Variants in DNAAF11 observed in about 807,000 individuals in gnomAD.
DNAAF11 encodes the protein dynein axonemal assembly factor 11.
In DNAAF11, 45 loss-of-function variants were observed where a neutral mutation model predicts 60.8. That is an observed-to-expected ratio of 0.74 (90% CI 0.58 to 0.95). The LOEUF is 0.95. DNAAF11 is among the 40% of genes least tolerant of loss of function. The probability of loss-of-function intolerance (pLI) is 0.00; values close to 1 mark genes in which losing one functional copy is unlikely to be tolerated. For missense variants in DNAAF11, 546 were observed against 546.2 expected (o/e 1.00, Z 0.00); for synonymous variants, 191 against 183.5 (o/e 1.04, Z -0.33).
At chr8:132,658,821 C>T (rs967935895) in intron 2 of DNAAF11, among the ~76,000 whole-genome samples, 1 of 152,044 alleles carries the variant, frequency 6.6e-6, no homozygotes, top group Non-Finnish European at 1.5e-5. Flanking sequence ...TGCTCAGGGA[C>T]GGTTTCCTAA....
At chr8:132,614,307 G>A (rs1049300709) in intron 8 of DNAAF11, among the ~76,000 whole-genome samples, 2 of 152,178 alleles carry the variant, frequency 1.3e-5, no homozygotes, top group African/African-American at 4.8e-5. Context: ...GGAAGCACAG[G>A]CAAGCAGCCT....
the DNAAF11 span, among the ~76,000 whole-genome samples, chr8:132,690,306 G>A: frequency 0.28 from 42,703 of 151,810 alleles, 6,281 homozygotes; most frequent in East Asian, 0.39. Context: ...TGCTGTTCTC[G>A]TGATACTGAG....
At chr8:132,599,300 A>C (rs1463125933) in intron 10 of DNAAF11, among the ~76,000 whole-genome samples, 5 of 152,178 alleles carry the variant, frequency 3.3e-5, no homozygotes, top group Non-Finnish European at 7.3e-5. Flanking sequence ...CCAACCAAAA[A>C]AAGTCCAGGA....
chr8:132,643,925 C>T (rs985939714), intron 3 of DNAAF11, among the ~76,000 whole-genome samples: 4 of 152,026 alleles, frequency 2.6e-5, no homozygotes, highest in African/African-American at 9.7e-5. Flanking sequence ...AATTGTGTAA[C>T]AGATAAATAT....
At chr8:132,600,171 A>G (rs564141622) in intron 10 of DNAAF11, among the ~76,000 whole-genome samples, 26 of 152,326 alleles carry the variant, frequency 1.7e-4, no homozygotes, top group African/African-American at 6.0e-4. Flanking sequence ...TCCCATTCAC[A>G]ATTGCTTCAA....
At chr8:132,608,094 T>C (rs1295769655) in intron 10 of DNAAF11, among the ~76,000 whole-genome samples, 1 of 152,142 alleles carries the variant, frequency 6.6e-6, no homozygotes, top group Non-Finnish European at 1.5e-5. Flanking sequence ...ATAAATGAAA[T>C]TAGAATTTTT....
At chr8:132,636,022 G>C (rs2130508552) in intron 4 of DNAAF11, among the ~76,000 whole-genome samples, 1 of 151,836 alleles carries the variant, frequency 6.6e-6, no homozygotes, top group South Asian at 2.1e-4. Flanking sequence ...TGAACGTCTG[G>C]CCTTCAGAAC....
At chr8:132,597,378 G>C (rs1276269883) in intron 10 of DNAAF11, among the ~76,000 whole-genome samples, 6 of 152,054 alleles carry the variant, frequency 3.9e-5, no homozygotes, top group Admixed American at 1.3e-4. Flanking sequence ...AGGCCTGTGA[G>C]TTTCCAGTGC....
chr8:132,596,953 C>CT (rs1436283118), intron 10 of DNAAF11, among the ~76,000 whole-genome samples: 1 of 152,068 alleles, frequency 6.6e-6, no homozygotes, highest in Non-Finnish European at 1.5e-5. Context: ...CTGATGTTGT[C>CT]TTATGTTTTC....
At chr8:132,671,926 A>C (rs1825225934) in intron 1 of DNAAF11, among the ~76,000 whole-genome samples, 1 of 152,140 alleles carries the variant, frequency 6.6e-6, no homozygotes, top group Non-Finnish European at 1.5e-5. Context: ...TTCTAGGAAA[A>C]AAAAGAGAAA....
intron 1 of DNAAF11, among the ~76,000 whole-genome samples, chr8:132,669,100 T>C (rs752645420): frequency 6.6e-6 from 1 of 152,180 alleles, no homozygotes; most frequent in Non-Finnish European, 1.5e-5. Flanking sequence ...AAGGCCTTTG[T>C]TAGACATATC....
At chr8:132,597,688 A>G (rs1817165632) in intron 10 of DNAAF11, among the ~76,000 whole-genome samples, 1 of 152,230 alleles carries the variant, frequency 6.6e-6, no homozygotes, top group Admixed American at 6.5e-5. Context: ...ATAACCTTGA[A>G]GAAAACAATT....
the DNAAF11 span, among the ~76,000 whole-genome samples, chr8:132,692,071 G>A: frequency 1.3e-5 from 2 of 152,156 alleles, no homozygotes; most frequent in Non-Finnish European, 2.9e-5. Context: ...ATGAAAAAGA[G>A]AGTAGTAGGG....
At chr8:132,601,796 T>C (rs1817650697) in intron 10 of DNAAF11, among the ~76,000 whole-genome samples, 1 of 152,010 alleles carries the variant, frequency 6.6e-6, no homozygotes, top group Admixed American at 6.6e-5. Context: ...GGTGGAGGGA[T>C]AGCATTAGGA....
At chr8:132,632,183 T>A (rs1159452078) in intron 5 of DNAAF11, among the ~76,000 whole-genome samples, 2 of 152,184 alleles carry the variant, frequency 1.3e-5, no homozygotes, top group African/African-American at 4.8e-5. Flanking sequence ...GGGATTCTGT[T>A]ATCTAAATAC....
At chr8:132,580,035 AG>A (rs1275469989) in intron 11 of DNAAF11, among the ~76,000 whole-genome samples, 2 of 151,782 alleles carry the variant, frequency 1.3e-5, no homozygotes, top group African/African-American at 4.8e-5. Context: ...CGACTACTCA[AG>A]GAAAAAAAAA....
At chr8:132,597,206 G>C (rs191715667) in intron 10 of DNAAF11, among the ~76,000 whole-genome samples, 10 of 152,228 alleles carry the variant, frequency 6.6e-5, no homozygotes, top group African/African-American at 2.4e-4. Flanking sequence ...CAGATTCATG[G>C]ATATAAAGAA....
chr8:132,591,290 C>A (rs570787549), intron 10 of DNAAF11, among the ~76,000 whole-genome samples: 47 of 151,774 alleles, frequency 3.1e-4, no homozygotes, highest in African/African-American at 1.0e-3. Context: ...GTGGTTGCTT[C>A]TAGAAAGAAC....
chr8:132,616,922 C>T (rs575167914), intron 7 of DNAAF11, among the ~76,000 whole-genome samples: 15 of 152,180 alleles, frequency 9.9e-5, no homozygotes, highest in African/African-American at 2.2e-4. Flanking sequence ...GGGGTTGGAC[C>T]GCTCAATCTA....
Sources: allele counts gnomAD v4.1 joint callset (sites outside exome capture counted in the v4.1 genomes callset), GRCh38; gene constraint gnomAD v4.1.1; transcripts MANE v1.5; gene names NCBI Gene and HGNC (gene_info 2026-07-23, HGNC 2026-07-21).